SPATA16: variants seen among roughly 807,000 people sequenced by gnomAD.
SPATA16 encodes spermatogenesis-associated protein 16.
SPATA16 carries 36 observed loss-of-function variants against 63.3 expected under a neutral mutation model. The observed-to-expected ratio is 0.57, with a 90% CI of 0.44 to 0.75. SPATA16 has a LOEUF of 0.75. Ranked by LOEUF, SPATA16 falls within the 30% of genes least tolerant of loss-of-function variation. SPATA16 has a pLI of 0.00. For synonymous variants in SPATA16, 203 were observed against 216.7 expected (o/e 0.94, Z 0.56); for missense variants, 646 against 679.3 (o/e 0.95, Z 0.54).
intron 6 of SPATA16, among the ~76,000 whole-genome samples, chr3:172,947,745 A>AG (rs1491507389): frequency 6.6e-6 from 1 of 152,088 alleles, no homozygotes; most frequent in African/African-American, 2.4e-5. Context: ...ACATGGACAC[A>AG]GGGAGGGGAA....
At chr3:172,959,342 C>T (rs944071355) in intron 5 of SPATA16, among the ~76,000 whole-genome samples, 1 of 152,138 alleles carries the variant, frequency 6.6e-6, no homozygotes, top group Non-Finnish European at 1.5e-5. Context: ...TTGATCTGCT[C>T]ATTGAAGGAT....
rs115927761 is a variant in SPATA16 at position 172,954,021 on chromosome 3, T to C, written c.1081+2656A>G. ...AGTCTATTCATACTGGTTGCATGAATATATGTTACAATAAATAGCTGAATA... is the reference window on the plus strand; with the variant it reads ...AGTCTATTCATACTGGTTGCATGAACATATGTTACAATAAATAGCTGAATA... On this transcript the variant is annotated intron_variant, in intron 6 of 10. Coordinates refer to ENST00000351008, the MANE Select transcript of SPATA16 (RefSeq NM_031955.6). Among the ~76,000 whole-genome samples the C allele has an allele frequency of 9.8e-3, 1,489 of 152,312 alleles. 21 individuals are homozygous for C. Among genetic ancestry groups the C allele is most frequent in the African/African-American group, 0.033 (1,362 of 41,560 alleles).
At chr3:173,084,924 T>C (rs1351539952) in intron 2 of SPATA16, among the ~76,000 whole-genome samples, 1 of 152,188 alleles carries the variant, frequency 6.6e-6, no homozygotes, top group Non-Finnish European at 1.5e-5. Context: ...ACTGTAGCCT[T>C]GTAGTATAGT....
At chr3:173,022,703 C>T (rs1022929752) in intron 3 of SPATA16, among the ~76,000 whole-genome samples, 1 of 150,962 alleles carries the variant, frequency 6.6e-6, no homozygotes, top group African/African-American at 2.4e-5. Context: ...CTGCAGGAGG[C>T]AGCCTGTGAC....
chr3:172,903,142 A>G (rs540502281), intron 10 of SPATA16, among the ~76,000 whole-genome samples: 5 of 152,232 alleles, frequency 3.3e-5, no homozygotes, highest in Non-Finnish European at 7.3e-5. Context: ...CGTAATGTAT[A>G]AAAGACAGGC....
At chr3:173,012,878 A>G (rs1253979518) in intron 4 of SPATA16, among the ~76,000 whole-genome samples, 2 of 152,198 alleles carry the variant, frequency 1.3e-5, no homozygotes, top group Non-Finnish European at 2.9e-5. Context: ...CTTGGCAAAG[A>G]GTTTATGGCA....
At chr3:172,892,309 C>T (rs1376566755) in intron 10 of SPATA16, among the ~76,000 whole-genome samples, 1 of 152,108 alleles carries the variant, frequency 6.6e-6, no homozygotes, top group African/African-American at 2.4e-5. Context: ...CTCTGTGACC[C>T]CAGGGAAATT....
At position 173,117,604 on chromosome 3, in the gene SPATA16, A is replaced by G. The variant is rs1737941834; in HGVS notation, c.128T>C (p.Met43Thr). Residue 43 changes from methionine to threonine, a missense_variant, in exon 2 of 11, where the codon ATG becomes ACG. Met to Thr is a moderately conservative substitution (Grantham distance 81, BLOSUM62 -1). Transcript: ENST00000351008. ...TLAHPPNILE[M>T]SQEIKKNCGG... ...ACAGTTTTTCTTAATCTCTTGTGAC[A>G]TTTCCAGGATGTTAGGTGGGTGCGC... 6.2e-7 allele frequency: 1 copy of G among 1,613,588 alleles called. No homozygotes were observed. Among genetic ancestry groups the G allele is most frequent in the Admixed American group, 1.7e-5 (1 of 59,994 alleles).
chr3:172,936,560 A>G (rs1025631794), intron 6 of SPATA16, among the ~76,000 whole-genome samples: 7 of 152,234 alleles, frequency 4.6e-5, no homozygotes, highest in Admixed American at 3.3e-4. Flanking sequence ...TGTTGCTATT[A>G]TGTTGCTAAA....
intron 4 of SPATA16, among the ~76,000 whole-genome samples, chr3:173,010,700 G>T (rs1258181125): frequency 6.6e-6 from 1 of 151,916 alleles, no homozygotes; most frequent in Non-Finnish European, 1.5e-5. Context: ...ATGGCTTCCA[G>T]TGCACCCACC....
chr3:172,911,235 G>A (rs531303870), intron 10 of SPATA16, among the ~76,000 whole-genome samples: 13 of 152,170 alleles, frequency 8.5e-5, no homozygotes, highest in African/African-American at 2.6e-4. Context: ...ATTACTACCC[G>A]CCTCCCCATC....
intron 10 of SPATA16, among the ~76,000 whole-genome samples, chr3:172,891,506 A>G (rs1731895035): frequency 6.6e-6 from 1 of 152,208 alleles, no homozygotes; most frequent in Non-Finnish European, 1.5e-5. Context: ...CTGTGCTTTA[A>G]TCCATCTCAT....
At chr3:172,969,112 C>T (rs1272036473) in intron 5 of SPATA16, among the ~76,000 whole-genome samples, 2 of 145,158 alleles carry the variant, frequency 1.4e-5, no homozygotes, top group Admixed American at 1.4e-4. Context: ...ATTGCATGCC[C>T]ATTGTTGTCT....
intron 4 of SPATA16, among the ~76,000 whole-genome samples, chr3:173,004,939 A>G (rs1734907598): frequency 6.6e-6 from 1 of 152,202 alleles, no homozygotes. Context: ...GTATTAGAAA[A>G]CAGCACAGAA....
intron 4 of SPATA16, among the ~76,000 whole-genome samples, chr3:173,001,779 A>G (rs1243967357): frequency 2.0e-5 from 3 of 152,140 alleles, no homozygotes; most frequent in African/African-American, 7.2e-5. Flanking sequence ...TTCTCTGACT[A>G]ATCTAAAAAA....
At chr3:172,979,636 A>G (rs1329669380) in intron 4 of SPATA16, among the ~76,000 whole-genome samples, 2 of 152,148 alleles carry the variant, frequency 1.3e-5, no homozygotes, top group African/African-American at 4.8e-5. Flanking sequence ...CGCTTTTATT[A>G]ATGTTATGCC....
intron 4 of SPATA16, among the ~76,000 whole-genome samples, chr3:173,006,335 T>G (rs1734945702): frequency 6.6e-6 from 1 of 152,230 alleles, no homozygotes; most frequent in African/African-American, 2.4e-5. Context: ...GTGAAATGCC[T>G]TGAATAAAGA....
At chr3:173,109,205 G>T (rs1737690209) in intron 2 of SPATA16, among the ~76,000 whole-genome samples, 1 of 151,790 alleles carries the variant, frequency 6.6e-6, no homozygotes, top group Non-Finnish European at 1.5e-5. Context: ...CCCTCATTTG[G>T]CCCCCTCTTC....
chr3:173,140,305 G>A (rs1326950527), intron 1 of SPATA16, among the ~76,000 whole-genome samples: 2 of 152,110 alleles, frequency 1.3e-5, no homozygotes, highest in Non-Finnish European at 2.9e-5. Flanking sequence ...ACACTTCCCT[G>A]ATGCTTCAAA....
Sources: gnomAD v4.1 joint callset for allele counts (sites outside exome capture counted in the v4.1 genomes callset) on GRCh38, gnomAD v4.1.1 for gene constraint, MANE v1.5 for transcripts, NCBI Gene and HGNC (gene_info 2026-07-23, HGNC 2026-07-21) for gene names.